Variants in SEMA3B observed in about 807,000 individuals in gnomAD.
The protein encoded by SEMA3B is semaphorin 3B.
Under a neutral mutation model 77.8 loss-of-function variants are expected in SEMA3B, and 71 were observed. The ratio of observed to expected loss-of-function variants is 0.91; its 90% CI spans 0.75 to 1.11. SEMA3B has a LOEUF of 1.11. Among genes scored for constraint, SEMA3B ranks in the 50% most tolerant of loss-of-function variants. SEMA3B has a pLI of 0.00. For missense variants in SEMA3B, 968 were observed against 1,056.8 expected, an observed-to-expected ratio of 0.92 and a Z score of 1.17; for synonymous variants, 470 against 452.9, an observed-to-expected ratio of 1.04 and a Z score of -0.48.
Position 50,276,267 on chromosome 3 carries a change from C to A in SEMA3B, c.1846-35C>A. On this transcript the variant is annotated intron_variant, in intron 16 of 16. Transcript: ENST00000616701. This position sits in a 1 kb window ranked among gnomAD's most constrained non-coding sequence, Gnocchi z 5.8. ...GGGCCCGGAAGCCCTGTTCCCGGCCCGACACCCCCGCCTCACGCTGCCCTC... is the reference window on the plus strand; with the variant it reads ...GGGCCCGGAAGCCCTGTTCCCGGCCAGACACCCCCGCCTCACGCTGCCCTC... 1 of 1,446,094 alleles carries A rather than the reference C, an allele frequency of 6.9e-7. No individual in the cohort carries two copies. Among genetic ancestry groups the A allele is most frequent in the South Asian group, 1.4e-5 (1 of 71,088 alleles). 89.6% of individuals were successfully genotyped at this position (1,446,094 alleles called of 1,614,324 possible). A position where few individuals can be genotyped will look rare whatever the true frequency, so the allele number is the denominator to read the frequency against.
chr3:50,273,941 G>A lies in SEMA3B; in HGVS notation c.1021G>A (p.Val341Met). Residue 341 changes from valine to methionine, a missense_variant, in exon 10 of 17, where the codon GTG becomes ATG. Transcript: ENST00000616701. This position sits in a 1 kb window ranked among gnomAD's most constrained non-coding sequence, Gnocchi z 6.5. ...CATCTTCCAGGGCTCTGCGGTGTGCGTGTACAGCATGAACGACGTGCGCCG... is the reference window on the plus strand; with the variant it reads ...CATCTTCCAGGGCTCTGCGGTGTGCATGTACAGCATGAACGACGTGCGCCG... ...SSIFQGSAVC[V>M]YSMNDVRRAF... 1 of 1,613,102 alleles carries A rather than the reference G, an allele frequency of 6.2e-7. No homozygotes were observed. The highest frequency in any genetic ancestry group is 1.3e-5 in the African/African-American group (1 of 75,024).
upstream of SEMA3B, chr3:50,267,406 C>G (rs1424316582): frequency 6.5e-6 from 1 of 152,766 alleles, no homozygotes; most frequent in African/African-American, 2.4e-5. The surrounding 1 kb of genome is among the most constrained non-coding windows in gnomAD (Gnocchi z 5.7). Flanking sequence ...CACCTGGCTT[C>G]TGGGACCGCC....
intron 6 of SEMA3B, among the ~76,000 whole-genome samples, chr3:50,271,752 G>A (rs587710502): frequency 7.2e-5 from 11 of 152,316 alleles, no homozygotes; most frequent in African/African-American, 2.4e-4. Flanking sequence ...GGTGGCTGGA[G>A]GGGGTTGGGT....
At position 50,270,474 on chromosome 3, in the gene SEMA3B, C is replaced by T; in HGVS notation, c.309C>T (p.Asn103=). 1.2e-6 allele frequency: 2 copies of T among 1,613,688 alleles called. No homozygotes were observed. The highest frequency in any genetic ancestry group is 1.7e-6 in the Non-Finnish European group (2 of 1,179,866). The change falls in exon 3 of 17, where the codon AAC becomes AAT. Residue 103 remains asparagine, a synonymous_variant. Transcript: ENST00000616701. The surrounding 1 kb of genome is among the most constrained non-coding windows in gnomAD (Gnocchi z 4.7). ...PAPVEWREEC[N]WAGKDIGTEC... ...CTGTGGAATGGCGAGAGGAGTGCAACTGGGCAGGGAAGGACATTGGTGTGA... is the reference window on the plus strand; with the variant it reads ...CTGTGGAATGGCGAGAGGAGTGCAATTGGGCAGGGAAGGACATTGGTGTGA...
At chr3:50,268,884 C>T, upstream of SEMA3B, 1 of 278,840 alleles carries the variant, frequency 3.6e-6, no homozygotes, top group Admixed American at 5.0e-5. Context: ...GTGGGTGGCA[C>T]ATTGTGAATT....
Position 50,276,411 on chromosome 3 carries a change from C to T in SEMA3B, c.1955C>T (p.Thr652Met). 1 of 1,536,706 alleles carries T rather than the reference C, an allele frequency of 6.5e-7. No individual in the cohort carries two copies. The highest frequency in any genetic ancestry group is 8.7e-7 in the Non-Finnish European group (1 of 1,145,928). Residue 652 changes from threonine (T) to methionine (M), a missense_variant, in exon 17 of 17, where the codon ACG (threonine) becomes ATG (methionine). Coordinates refer to ENST00000616701, the MANE Select transcript of SEMA3B (RefSeq NM_001290060.2). This position sits in a 1 kb window ranked among gnomAD's most constrained non-coding sequence, Gnocchi z 5.8. Reference sequence around the variant, plus strand: ...TGCGCCGCCGTCGAGCAGGGCTTTACGCAACCGCTGCGTCGCCTGTCGCTG... The same window carrying T: ...TGCGCCGCCGTCGAGCAGGGCTTTATGCAACCGCTGCGTCGCCTGTCGCTG... The part of the protein sequence containing the change: ...YLCAAVEQGF[T>M]QPLRRLSLHV...
At chr3:50,271,305 G>A in intron 5 of SEMA3B, 56 bp from the exon 6 acceptor site, 2 of 1,551,120 alleles carry the variant, frequency 1.3e-6, no homozygotes, top group Non-Finnish European at 1.7e-6. Context: ...AGCTCCCCAG[G>A]CCCTCCTGCC....
upstream of SEMA3B, among the ~76,000 whole-genome samples, chr3:50,265,150 C>A (rs929602512): frequency 6.6e-6 from 1 of 152,140 alleles, no homozygotes; most frequent in Admixed American, 6.5e-5. Context: ...CAGGAGATGC[C>A]CCTGGGGCAG....
Position 50,269,754 on chromosome 3 carries a change from G to T in SEMA3B, c.110-373G>T, listed in dbSNP as rs1700994842. Among the ~76,000 whole-genome samples the T allele has an allele frequency of 6.6e-6, 1 of 152,194 alleles. No individual in the cohort carries two copies. Among genetic ancestry groups the T allele is most frequent in the African/African-American group, 2.4e-5 (1 of 41,448 alleles). The stretch of plus-strand genomic sequence containing the variant: ...CTGAGCTCAGGCTGGTGGTGGAGTG[G>T]CAGGAAAGGAACTCTCAGCCTGACT... On this transcript the variant is annotated intron_variant, in intron 1 of 16. Transcript: ENST00000616701. This position sits in a 1 kb window ranked among gnomAD's most constrained non-coding sequence, Gnocchi z 4.0.
chr3:50,276,765 CA>C lies in SEMA3B; in HGVS notation c.*60del. 7.0e-7 allele frequency: 1 copy of C among 1,419,754 alleles called. No individual in the cohort carries two copies. Among genetic ancestry groups the C allele is most frequent in the East Asian group, 2.7e-5 (1 of 36,504 alleles). 87.9% of individuals were successfully genotyped at this position (1,419,754 alleles called of 1,614,324 possible). ...GACGACAGGCGAGAGAGGAGCCAGA[CA>C]GACCCTGAAAAGAAGGACGGGTTGG... On this transcript the variant is annotated 3_prime_UTR_variant, in exon 17 of 17. Coordinates refer to ENST00000616701, the MANE Select transcript of SEMA3B (RefSeq NM_001290060.2). This position sits in a 1 kb window ranked among gnomAD's most constrained non-coding sequence, Gnocchi z 5.8.
At position 50,275,381 on chromosome 3, in the gene SEMA3B, C is replaced by A; in HGVS notation, c.1571C>A (p.Thr524Asn). The A allele has an allele frequency of 6.3e-7, 1 of 1,590,338 alleles. No individual in the cohort carries two copies. The highest frequency in any genetic ancestry group is 8.6e-7 in the Non-Finnish European group (1 of 1,169,468). ...TGCGCTGCCCACGGCCGCGTCTGCA[C>A]CGAATGCTGTCTGGCGCGTGACCCC... ...HRCAAHGRVC[T>N]ECCLARDPYC... Residue 524 changes from threonine (T) to asparagine (N), a missense_variant, in exon 14 of 17, where the codon ACC becomes AAC. Physicochemically the swap from Thr to Asn is moderately conservative, Grantham distance 65 (BLOSUM62 0). Transcript: ENST00000616701. This position sits in a 1 kb window ranked among gnomAD's most constrained non-coding sequence, Gnocchi z 7.5.
rs782248642 is a variant in SEMA3B at position 50,274,350 on chromosome 3, C to T, written c.1138-13C>T. 3.4e-6 allele frequency: 5 copies of T among 1,488,564 alleles called. No homozygotes were observed. The highest frequency in any genetic ancestry group is 4.8e-5 in the East Asian group (2 of 42,060). 92.2% of individuals were successfully genotyped at this position (1,488,564 alleles called of 1,614,324 possible). Reference sequence around the variant, plus strand: ...CTATATCCCTGCTGTGCCTCCCTTTCCCCCACCCCCAGTGCCCCAGCAAGA... The same window carrying T: ...CTATATCCCTGCTGTGCCTCCCTTTTCCCCACCCCCAGTGCCCCAGCAAGA... On this transcript the variant is annotated splice_polypyrimidine_tract_variant and intron_variant, in intron 10 of 16. Transcript: ENST00000616701. The surrounding 1 kb of genome is among the most constrained non-coding windows in gnomAD (Gnocchi z 4.7).
upstream of SEMA3B, among the ~76,000 whole-genome samples, chr3:50,264,814 C>G (rs888747270): frequency 2.0e-5 from 3 of 152,082 alleles, no homozygotes. Flanking sequence ...CCCTGCTGGG[C>G]AATGAGGAAA....
Position 50,270,856 on chromosome 3 carries a change from C to A in SEMA3B, c.331-34C>A, listed in dbSNP as rs782225693. ...AGCTGGGACCTCTTAAGGCTACGTCCCTGGGGGAAGCCTCACACCTCCAAC... is the reference window on the plus strand; with the variant it reads ...AGCTGGGACCTCTTAAGGCTACGTCACTGGGGGAAGCCTCACACCTCCAAC... On this transcript the variant is annotated intron_variant, in intron 3 of 16. Transcript: ENST00000616701. The surrounding 1 kb of genome is among the most constrained non-coding windows in gnomAD (Gnocchi z 4.7). 6.4e-7 allele frequency: 1 copy of A among 1,568,606 alleles called. No individual in the cohort carries two copies. The highest frequency in any genetic ancestry group is 2.4e-5 in the East Asian group (1 of 42,398).
At chr3:50,268,884 C>G (rs1434915328), upstream of SEMA3B, 1 of 278,722 alleles carries the variant, frequency 3.6e-6, no homozygotes, top group East Asian at 1.0e-4. Context: ...GTGGGTGGCA[C>G]ATTGTGAATT....
At position 50,276,454 on chromosome 3, in the gene SEMA3B, G is replaced by T; in HGVS notation, c.1998G>T (p.Thr666=). 1 of 1,534,114 alleles carries T rather than the reference G, an allele frequency of 6.5e-7. No individual in the cohort carries two copies. The highest frequency in any genetic ancestry group is 8.7e-7 in the Non-Finnish European group (1 of 1,144,768). Reference sequence around the variant, plus strand: ...TGTCGCTGCACGTGTTGAGTGCTACGCAGGCCGAACGACTGGCGCGGGCCG... The same window carrying T: ...TGTCGCTGCACGTGTTGAGTGCTACTCAGGCCGAACGACTGGCGCGGGCCG... The part of the protein sequence containing the change: ...RRLSLHVLSA[T]QAERLARAEE... Residue 666 remains threonine, a synonymous_variant, in exon 17 of 17, where the codon ACG becomes ACT. Coordinates refer to ENST00000616701, the MANE Select transcript of SEMA3B (RefSeq NM_001290060.2). This position sits in a 1 kb window ranked among gnomAD's most constrained non-coding sequence, Gnocchi z 5.8.
chr3:50,269,566 A>AC lies in SEMA3B; in HGVS notation c.109+221dup, dbSNP rs1264736352. Among the ~76,000 whole-genome samples, 1 of 151,044 alleles carries AC rather than the reference A, an allele frequency of 6.6e-6. No homozygotes were observed. The highest frequency in any genetic ancestry group is 2.4e-5 in the African/African-American group (1 of 40,996). On this transcript the variant is annotated intron_variant, in intron 1 of 16. Transcript: ENST00000616701. The surrounding 1 kb of genome is among the most constrained non-coding windows in gnomAD (Gnocchi z 4.0). ...ATTCTCTTCGTGCTTTCTCAGGAAG[A>AC]CCCCTCCTGTCCCCACAGCAACAGA... is the stretch of plus-strand genomic sequence containing the variant.
upstream of SEMA3B, among the ~76,000 whole-genome samples, chr3:50,266,124 A>G (rs1700892475): frequency 6.6e-6 from 1 of 152,130 alleles, no homozygotes; most frequent in African/African-American, 2.4e-5. Context: ...GAAAAACATA[A>G]GGCAGTGAGG....
At position 50,271,377 on chromosome 3, in the gene SEMA3B, A is replaced by C. The variant is rs200932313; in HGVS notation, c.561A>C (p.Ser187=). 1,917 of 1,583,504 alleles carry C rather than the reference A, an allele frequency of 1.2e-3. 6 individuals carry two copies. The highest frequency in any genetic ancestry group is 6.5e-3 in the Middle Eastern group (39 of 6,038). ...TGTCTGCAGGGGAGGAGCTATACTCAGGGGTGGCAGCAGACCTCATGGGAC... is the reference window on the plus strand; with the variant it reads ...TGTCTGCAGGGGAGGAGCTATACTCCGGGGTGGCAGCAGACCTCATGGGAC... ...ASVLVGEELY[S]GVAADLMGRD... The change falls in exon 6 of 17, where the codon TCA becomes TCC. Residue 187 remains serine, a synonymous_variant. Transcript: ENST00000616701.
Sources: gnomAD v4.1 joint callset for allele counts (sites outside exome capture counted in the v4.1 genomes callset) on GRCh38, gnomAD v4.1.1 for gene constraint, Gnocchi (gnomAD v3.1) non-coding constraint, MANE v1.5 for transcripts, NCBI Gene and HGNC (gene_info 2026-07-23, HGNC 2026-07-21) for gene names.